The following CCDC22 variants were observed in gnomAD, a reference collection of about 807,000 sequenced individuals.
The protein encoded by CCDC22 is coiled-coil domain-containing protein 22.
CCDC22 carries 4 observed loss-of-function variants against 53.1 expected under a neutral mutation model. The ratio of observed to expected loss-of-function variants is 0.08; its 90% CI spans 0.04 to 0.17. CCDC22 has a LOEUF of 0.17. Ranked by LOEUF, CCDC22 falls within the 10% of genes least tolerant of loss-of-function variation. CCDC22 has a pLI of 1.00. For missense variants in CCDC22, 458 were observed against 554.0 expected, an observed-to-expected ratio of 0.83 and a Z score of 1.74; for synonymous variants, 222 against 224.4, an observed-to-expected ratio of 0.99 and a Z score of 0.10.
chrX:49,250,041 G>T, intron 16 of CCDC22, 107 bp from the exon 17 acceptor site: 1 of 512,881 alleles, frequency 1.9e-6, no homozygotes. Flanking sequence ...AGAGCAGGCT[G>T]TTGGAGTTGG....
At chrX:49,246,217 C>T (rs1177956551) in intron 6 of CCDC22, among the ~76,000 whole-genome samples, 1 of 111,828 alleles carries the variant, frequency 8.9e-6, no homozygotes, top group Non-Finnish European at 1.9e-5. Context: ...GGTGATCTAC[C>T]TACCTTGGCC....
chrX:49,249,098 CAT>C (rs2066008901), intron 13 of CCDC22, 67 bp from the exon 14 acceptor site: 5 of 1,123,030 alleles, frequency 4.5e-6, no homozygotes, highest in Admixed American at 2.3e-5. Context: ...GTCTGGTACA[CAT>C]GAGGACCCTC....
chrX:49,243,461 A>G lies in CCDC22; in HGVS notation c.713A>G (p.Gln238Arg). Residue 238 changes from glutamine to arginine, a missense_variant and splice_region_variant, in exon 6 of 17, where the codon CAG (glutamine) becomes CGG (arginine). Physicochemically the swap from Gln to Arg is conservative, Grantham distance 43. Coordinates refer to ENST00000376227, the MANE Select transcript of CCDC22 (RefSeq NM_014008.5). Reference sequence around the variant, plus strand: ...CACCGGACATCCCGCCTCCCACCCCAGGTACAGCCAGATGCCTGGCTCCCT... The same window carrying G: ...CACCGGACATCCCGCCTCCCACCCCGGGTACAGCCAGATGCCTGGCTCCCT... ...WVHRTSRLPPQEDTRAQRQRL... is the reference protein window; with the variant it reads ...WVHRTSRLPPREDTRAQRQRL... 8.6e-7 allele frequency: 1 copy of G among 1,158,395 alleles called. No homozygotes were observed. Among genetic ancestry groups the G allele is most frequent in the Non-Finnish European group, 1.2e-6 (1 of 866,415 alleles).
At chrX:49,246,035 G>C (rs2065988243) in intron 6 of CCDC22, among the ~76,000 whole-genome samples, 1 of 109,736 alleles carries the variant, frequency 9.1e-6, no homozygotes. Context: ...GCCCAGGCTG[G>C]AGTGCAATGG....
At chrX:49,246,671 G>A in intron 6 of CCDC22, 60 bp from the exon 7 acceptor site, 1 of 1,003,489 alleles carries the variant, frequency 1.0e-6, no homozygotes, top group Non-Finnish European at 1.3e-6. Context: ...GGAGGAGGCA[G>A]GGCCTTGGGT....
rs113963385 is a variant in CCDC22 at position 49,244,256 on chromosome X, C to A, written c.714+794C>A. ...GTACTGAATTCCTCTCTTGCTCTGT[C>A]TATCTATCTGTTCCCCCTTCTCCTC... On this transcript the variant is annotated intron_variant, in intron 6 of 16. Coordinates refer to ENST00000376227, the MANE Select transcript of CCDC22 (RefSeq NM_014008.5). Among the ~76,000 whole-genome samples, 387 of 111,354 alleles carry A rather than the reference C, an allele frequency of 3.5e-3. 1 individual carries two copies. The highest frequency in any genetic ancestry group is 0.012 in the African/African-American group (366 of 30,596).
In CCDC22 at chrX:49,242,956, G is replaced by T. The variant is rs782290187; in HGVS notation, c.432G>T (p.Pro144=). The T allele has an allele frequency of 1.7e-6, 2 of 1,165,940 alleles. No individual in the cohort carries two copies. The highest frequency in any genetic ancestry group is 4.0e-5 in the South Asian group (2 of 50,045). Residue 144 remains proline (P), a synonymous_variant, in exon 4 of 17, where the codon CCG becomes CCT. Coordinates refer to ENST00000376227, the MANE Select transcript of CCDC22 (RefSeq NM_014008.5). Reference sequence around the variant, plus strand: ...ACCAGCTGGCACTGCCTTGGGTCCCGCCCCACCTTCGCACTCCCAAGCTGC... The same window carrying T: ...ACCAGCTGGCACTGCCTTGGGTCCCTCCCCACCTTCGCACTCCCAAGCTGC... ...IRDQLALPWV[P]PHLRTPKLQH...
chrX:49,245,529 C>T (rs1278140277), intron 6 of CCDC22, among the ~76,000 whole-genome samples: 3 of 111,019 alleles, frequency 2.7e-5, no homozygotes, highest in Non-Finnish European at 3.8e-5. Flanking sequence ...TGCACCACCA[C>T]GCCCAGCTAA....
intron 2 of CCDC22, among the ~76,000 whole-genome samples, chrX:49,239,771 A>AG (rs1221640870): frequency 9.0e-6 from 1 of 110,519 alleles, no homozygotes; most frequent in Non-Finnish European, 1.9e-5. Context: ...AGCACTTAAT[A>AG]GGGGGGAAGT....
intron 1 of CCDC22, among the ~76,000 whole-genome samples, chrX:49,236,047 T>G (rs1217366317): frequency 1.8e-5 from 2 of 108,607 alleles, no homozygotes; most frequent in Admixed American, 2.0e-4. Flanking sequence ...GACCCTGTTA[T>G]CTGGAGACCC....
chrX:49,248,228 C>T lies in CCDC22; in HGVS notation c.1130C>T (p.Ala377Val), dbSNP rs782027065. ...TGCCGGCACAGCAAGCTCAGTACAG[C>T]AGAGCGTGAGCAGGCCCTGCGCCTG... is the stretch of plus-strand genomic sequence containing the variant. Reference protein sequence around the residue: ...SECRHSKLSTAEREQALRLKS... With the variant: ...SECRHSKLSTVEREQALRLKS... Residue 377 changes from alanine (A) to valine (V), a missense_variant, in exon 10 of 17, where the codon GCA (alanine) becomes GTA (valine). By Grantham distance (64) the Ala-to-Val change is moderately conservative (BLOSUM62 0). Around this residue, in one of 4 missense-constraint regions of CCDC22, gnomAD observed 309 missense variants for 312.3 expected, o/e 0.99. Coordinates refer to ENST00000376227, the MANE Select transcript of CCDC22 (RefSeq NM_014008.5). 6 of 1,203,429 alleles carry T rather than the reference C, an allele frequency of 5.0e-6. No individual in the cohort carries two copies. In the African/African-American group the frequency reaches 8.8e-5, roughly 18 times the overall value.
intron 2 of CCDC22, 118 bp downstream of exon 2, chrX:49,237,381 G>A (rs782282481): frequency 9.1e-5 from 61 of 669,051 alleles, no homozygotes; most frequent in Non-Finnish European, 1.3e-4. Flanking sequence ...TGCAACACTT[G>A]CCTTTCCTCT....
intron 6 of CCDC22, 49 bp downstream of exon 6, chrX:49,243,511 C>T (rs782421534): frequency 1.8e-5 from 18 of 1,008,098 alleles, no homozygotes; most frequent in Non-Finnish European, 2.1e-5. Context: ...TGCTCACTGA[C>T]ACTCCCGCTG....
chrX:49,249,296 G>A, intron 14 of CCDC22, 34 bp downstream of exon 14: 2 of 1,076,243 alleles, frequency 1.9e-6, no homozygotes, highest in Non-Finnish European at 2.6e-6. Context: ...TGAGTGGGGT[G>A]AGGCTGGGCT....
intron 2 of CCDC22, among the ~76,000 whole-genome samples, chrX:49,240,905 A>G (rs1295885980): frequency 8.9e-6 from 1 of 112,487 alleles, no homozygotes; most frequent in East Asian, 2.8e-4. Context: ...TATATCTTGC[A>G]TTGTGACCCA....
At chrX:49,248,040 C>T (rs1461691610) in intron 9 of CCDC22, 151 bp from the exon 10 acceptor site, 11 of 1,043,891 alleles carry the variant, frequency 1.1e-5, no homozygotes, top group African/African-American at 5.6e-5. Flanking sequence ...GGGGTACCCA[C>T]GGGTCTGCAT....
Position 49,246,916 on chromosome X carries a change from C to T in CCDC22, c.900C>T (p.Thr300=). ...GSRFTHSEKF[T]FHLEPQAQAT... ...GCTTCACGCACTCAGAGAAGTTCACCTTCCATCTGGTGGGTGCGCCTGAGG... is the reference window on the plus strand; with the variant it reads ...GCTTCACGCACTCAGAGAAGTTCACTTTCCATCTGGTGGGTGCGCCTGAGG... Residue 300 remains threonine (T), a synonymous_variant, in exon 7 of 17, where the codon ACC becomes ACT. Transcript: ENST00000376227. 8.4e-7 allele frequency: 1 copy of T among 1,192,062 alleles called. No homozygotes were observed. Among genetic ancestry groups the T allele is most frequent in the South Asian group, 1.8e-5 (1 of 54,390 alleles).
intron 1 of CCDC22, chrX:49,236,743 A>C (rs944892474): frequency 5.4e-6 from 1 of 186,268 alleles, no homozygotes; most frequent in Non-Finnish European, 9.9e-6. Context: ...AAACTCTAGC[A>C]GCTCAATATG....
At chrX:49,249,777 C>T (rs1239160269) in intron 16 of CCDC22, 52 bp downstream of exon 16, 1 of 1,008,149 alleles carries the variant, frequency 9.9e-7, no homozygotes, top group African/African-American at 1.9e-5. Context: ...GGGACAGTTC[C>T]TCAGGTTATG....
Sources: allele counts gnomAD v4.1 joint callset (sites outside exome capture counted in the v4.1 genomes callset), GRCh38; gene constraint gnomAD v4.1.1; regional missense constraint gnomAD v4.1.1; transcripts MANE v1.5; gene names NCBI Gene and HGNC (gene_info 2026-07-23, HGNC 2026-07-21).